IPO11: variants seen among roughly 807,000 people sequenced by gnomAD.
IPO11 encodes importin 11.
IPO11 carries 66 observed loss-of-function variants against 143.2 expected under a neutral mutation model. That is an observed-to-expected ratio of 0.46 (90% CI 0.38 to 0.57). The LOEUF (loss-of-function observed/expected upper bound fraction) is 0.57. IPO11 is among the 20% of genes least tolerant of loss of function. The pLI is 0.00. For missense variants in IPO11, 1,026 were observed against 1,141.0 expected, an observed-to-expected ratio of 0.90 and a Z score of 1.45; for synonymous variants, 385 against 377.8, an observed-to-expected ratio of 1.02 and a Z score of -0.22.
Position 62,484,178 on chromosome 5 carries a change from T to G in IPO11, c.1174+16T>G. 6.3e-7 allele frequency: 1 copy of G among 1,580,534 alleles called. No homozygotes were observed. The highest frequency in any genetic ancestry group is 8.6e-7 in the Non-Finnish European group (1 of 1,169,208). On this transcript the variant is annotated intron_variant, in intron 11 of 29. Transcript: ENST00000325324. ...GAAGGCTTTAGTAAGAATTAATTTT[T>G]TAGTGTTAGAATGACTTTTCTCCCC...
chr5:62,619,256 T>G (rs981704943), intron 29 of IPO11, among the ~76,000 whole-genome samples: 7 of 152,110 alleles, frequency 4.6e-5, no homozygotes, highest in Admixed American at 2.0e-4. Context: ...AATGACATTC[T>G]TTTAGCAATA....
intron 1 of IPO11, among the ~76,000 whole-genome samples, chr5:62,419,394 T>C (rs1262592220): frequency 4.6e-5 from 7 of 152,236 alleles, no homozygotes; most frequent in African/African-American, 9.6e-5. Flanking sequence ...TTATAAACTT[T>C]TTGTCTCTGT....
At chr5:62,532,638 T>C in intron 22 of IPO11, among the ~76,000 whole-genome samples, 1 of 152,000 alleles carries the variant, frequency 6.6e-6, no homozygotes, top group East Asian at 1.9e-4. Context: ...GATTACAGGC[T>C]TGAGCCACCA....
At chr5:62,612,593 T>G (rs1402441703) in intron 29 of IPO11, among the ~76,000 whole-genome samples, 3 of 152,236 alleles carry the variant, frequency 2.0e-5, no homozygotes, top group African/African-American at 7.2e-5. Context: ...TAAAGAGATA[T>G]TTTTATTTTG....
intron 29 of IPO11, among the ~76,000 whole-genome samples, chr5:62,620,274 C>G (rs1177240215): frequency 6.6e-6 from 1 of 152,122 alleles, no homozygotes; most frequent in Non-Finnish European, 1.5e-5. Flanking sequence ...AATCCCAGCA[C>G]TTTGGGAGGC....
intron 27 of IPO11, chr5:62,578,978 A>T (rs1292849190): frequency 4.2e-6 from 1 of 238,072 alleles, no homozygotes; most frequent in African/African-American, 2.3e-5. Flanking sequence ...CTGACATGAA[A>T]AATAGTTCTG....
intron 27 of IPO11, among the ~76,000 whole-genome samples, chr5:62,570,807 A>G (rs1015589101): frequency 6.6e-6 from 1 of 152,238 alleles, no homozygotes; most frequent in African/African-American, 2.4e-5. Flanking sequence ...GCGCTTAGCT[A>G]ATCACTGACC....
chr5:62,508,599 TCTCC>T (rs977899216), intron 19 of IPO11, among the ~76,000 whole-genome samples: 12 of 151,200 alleles, frequency 7.9e-5, no homozygotes, highest in South Asian at 4.2e-4. Flanking sequence ...TTCCTCCCTT[TCTCC>T]CTCCCTCCCT....
intron 1 of IPO11, among the ~76,000 whole-genome samples, chr5:62,416,457 C>T (rs1743298739): frequency 6.6e-6 from 1 of 152,114 alleles, no homozygotes. Flanking sequence ...GCTGGGATTA[C>T]AGGCGTGAGC....
chr5:62,414,661 T>C (rs1282299111), intron 1 of IPO11, among the ~76,000 whole-genome samples: 1 of 152,186 alleles, frequency 6.6e-6, no homozygotes, highest in African/African-American at 2.4e-5. Context: ...TTGTGGTATA[T>C]AGCATCACCT....
chr5:62,422,461 G>GT (rs771208000), intron 1 of IPO11: 1 of 152,236 alleles, frequency 6.6e-6, no homozygotes, highest in Non-Finnish European at 1.5e-5. Flanking sequence ...CATAACTGCT[G>GT]TTCCTTAGTG....
chr5:62,618,460 T>A (rs1004471392), intron 29 of IPO11, among the ~76,000 whole-genome samples: 4 of 152,136 alleles, frequency 2.6e-5, no homozygotes, highest in African/African-American at 7.2e-5. Context: ...TTAATAATTT[T>A]AAAAATTAGA....
At chr5:62,579,663 A>G (rs1278552334) in intron 27 of IPO11, 1 of 1,546,680 alleles carries the variant, frequency 6.5e-7, no homozygotes. Context: ...TATCTTATAT[A>G]AATGAAAGTG....
intron 20 of IPO11, among the ~76,000 whole-genome samples, chr5:62,522,752 G>A (rs1301120568): frequency 6.6e-6 from 1 of 152,074 alleles, no homozygotes; most frequent in African/African-American, 2.4e-5. Context: ...TTGATTACCT[G>A]GTATCTCCCT....
intron 5 of IPO11, among the ~76,000 whole-genome samples, chr5:62,461,822 A>C (rs1001639280): frequency 3.3e-5 from 5 of 152,188 alleles, no homozygotes; most frequent in African/African-American, 1.2e-4. Flanking sequence ...GAAATGTTTC[A>C]GATTTTTTTC....
At chr5:62,546,232 A>G (rs1490220148) in intron 24 of IPO11, among the ~76,000 whole-genome samples, 3 of 152,254 alleles carry the variant, frequency 2.0e-5, no homozygotes, top group Non-Finnish European at 2.9e-5. Flanking sequence ...GATTAAGAAA[A>G]TGTGGCACAT....
At chr5:62,462,813 C>CTT (rs900103455) in intron 5 of IPO11, among the ~76,000 whole-genome samples, 8 of 146,210 alleles carry the variant, frequency 5.5e-5, no homozygotes, top group African/African-American at 7.6e-5. Context: ...TTGGCTGACT[C>CTT]TTTTTTTTTT....
chr5:62,623,577 G>A (rs368921492), intron 29 of IPO11, among the ~76,000 whole-genome samples: 1 of 151,796 alleles, frequency 6.6e-6, no homozygotes, highest in East Asian at 1.9e-4. Flanking sequence ...TACTCCATAG[G>A]CAGAGCAGCC....
At chr5:62,620,940 G>A (rs933009003) in intron 29 of IPO11, among the ~76,000 whole-genome samples, 4 of 152,166 alleles carry the variant, frequency 2.6e-5, no homozygotes, top group Admixed American at 2.6e-4. Context: ...GTTTACAATC[G>A]AGACTTATTG....
Sources: gnomAD v4.1 joint callset for allele counts (sites outside exome capture counted in the v4.1 genomes callset) on GRCh38, gnomAD v4.1.1 for gene constraint, MANE v1.5 for transcripts, NCBI Gene and HGNC (gene_info 2026-07-23, HGNC 2026-07-21) for gene names.